SMOC1: variants seen among roughly 807,000 people sequenced by gnomAD.
SMOC1 encodes SPARC related modular calcium binding 1.
SMOC1 carries 22 observed loss-of-function variants against 56.3 expected under a neutral mutation model. The observed-to-expected ratio is 0.39, with a 90% CI of 0.28 to 0.56. The LOEUF (loss-of-function observed/expected upper bound fraction) is 0.56, where lower values mean the gene tolerates loss of function less well. Among genes scored for constraint, SMOC1 ranks in the 20% least tolerant of loss-of-function variants. The probability of loss-of-function intolerance (pLI) is 0.61; values close to 1 mark genes in which losing one functional copy is unlikely to be tolerated. For missense variants in SMOC1, 509 were observed against 565.4 expected, an observed-to-expected ratio of 0.90 and a Z score of 1.01; for synonymous variants, 193 against 215.0, an observed-to-expected ratio of 0.90 and a Z score of 0.89.
At chr14:69,990,355 A>G (rs1316535116) in intron 5 of SMOC1, among the ~76,000 whole-genome samples, 1 of 152,226 alleles carries the variant, frequency 6.6e-6, no homozygotes, top group Non-Finnish European at 1.5e-5. Flanking sequence ...TTGAATATTA[A>G]AATATTACAT....
chr14:69,953,577 C>A, intron 3 of SMOC1, 45 bp downstream of exon 3: 1 of 1,544,314 alleles, frequency 6.5e-7, no homozygotes, highest in South Asian at 1.1e-5. Flanking sequence ...TGGACCGAGG[C>A]AGAGGGGAGG....
intron 1 of SMOC1, among the ~76,000 whole-genome samples, chr14:69,950,086 G>T (rs961005212): frequency 3.3e-5 from 5 of 152,134 alleles, no homozygotes; most frequent in African/African-American, 1.2e-4. Context: ...TTTCCCTTTG[G>T]GCCCTGGGCA....
chr14:70,002,538 A>C (rs7151788), intron 7 of SMOC1, among the ~76,000 whole-genome samples: 81,691 of 151,974 alleles, frequency 0.54, 22,474 homozygotes, highest in African/African-American at 0.62. Context: ...TCTCCCCCTC[A>C]TCAGGGGCTC....
intron 1 of SMOC1, among the ~76,000 whole-genome samples, chr14:69,930,940 C>T (rs1028690451): frequency 3.9e-5 from 6 of 152,328 alleles, no homozygotes; most frequent in South Asian, 4.1e-4. Flanking sequence ...CAGTGTAGCC[C>T]GGGCTGCTGT....
intron 1 of SMOC1, among the ~76,000 whole-genome samples, chr14:69,897,236 A>G (rs1376407309): frequency 6.6e-6 from 1 of 152,190 alleles, no homozygotes; most frequent in African/African-American, 2.4e-5. Flanking sequence ...CCATCCCGCC[A>G]GGTCTCTTTC....
In SMOC1 at chr14:69,991,263, C is replaced by G. The variant is rs768488077; in HGVS notation, c.527-1154C>G. Among the ~76,000 whole-genome samples the G allele has an allele frequency of 7.2e-5, 11 of 152,260 alleles. No individual in the cohort carries two copies. The East Asian group carries it at 1.2e-3, about 16-fold the overall frequency. ...GACAACAGTGCTCTCCTTCCCTCCC[C>G]CCGTGGAGAGAAATCTCTTAAACTA... On this transcript the variant is annotated intron_variant, in intron 5 of 11. Coordinates refer to ENST00000361956, the MANE Select transcript of SMOC1 (RefSeq NM_001034852.3).
intron 7 of SMOC1, among the ~76,000 whole-genome samples, chr14:70,001,733 C>T (rs559711693): frequency 9.9e-5 from 15 of 152,276 alleles, no homozygotes; most frequent in African/African-American, 3.4e-4. Context: ...TACTGTGCCA[C>T]CAGGTTTAAT....
At chr14:69,944,163 G>C (rs1882690743) in intron 1 of SMOC1, among the ~76,000 whole-genome samples, 1 of 152,226 alleles carries the variant, frequency 6.6e-6, no homozygotes, top group South Asian at 2.1e-4. Context: ...GTCCGGTGGA[G>C]GGGCATGGAC....
intron 1 of SMOC1, among the ~76,000 whole-genome samples, chr14:69,899,756 C>A (rs1390539834): frequency 2.6e-5 from 4 of 152,106 alleles, no homozygotes; most frequent in African/African-American, 9.7e-5. Context: ...CAGTTTTTGA[C>A]CCTCAGACTT....
At chr14:69,964,065 T>G (rs1367406481) in intron 3 of SMOC1, among the ~76,000 whole-genome samples, 1 of 152,206 alleles carries the variant, frequency 6.6e-6, no homozygotes, top group Non-Finnish European at 1.5e-5. Flanking sequence ...ATGGCTGTTT[T>G]CTAGCTGAAT....
intron 1 of SMOC1, among the ~76,000 whole-genome samples, chr14:69,883,139 G>T (rs1458102515): frequency 6.6e-6 from 1 of 152,198 alleles, no homozygotes; most frequent in Non-Finnish European, 1.5e-5. Context: ...TTTTTGTGGT[G>T]AGAGCACTTA....
chr14:69,925,946 C>T (rs1345167646), intron 1 of SMOC1, among the ~76,000 whole-genome samples: 3 of 152,180 alleles, frequency 2.0e-5, no homozygotes, highest in Non-Finnish European at 2.9e-5. Context: ...GGAGAGGAGT[C>T]TTAGCTCTTC....
chr14:69,895,090 G>T (rs922223133), intron 1 of SMOC1, among the ~76,000 whole-genome samples: 3 of 152,214 alleles, frequency 2.0e-5, no homozygotes, highest in East Asian at 3.8e-4. Context: ...CCAGCTATGG[G>T]GAGGAAATAG....
At chr14:70,014,063 G>A (rs879750291) in intron 10 of SMOC1, among the ~76,000 whole-genome samples, 14 of 152,196 alleles carry the variant, frequency 9.2e-5, no homozygotes, top group Admixed American at 9.2e-4. Flanking sequence ...AGCATTGCTG[G>A]CACTCATGAG....
intron 9 of SMOC1, among the ~76,000 whole-genome samples, chr14:70,012,064 T>G (rs1425825878): frequency 6.6e-6 from 1 of 152,206 alleles, no homozygotes; most frequent in African/African-American, 2.4e-5. Context: ...TTCCCCTTAT[T>G]TATAGCAATC....
chr14:69,988,215 G>A (rs1468688898), intron 5 of SMOC1, among the ~76,000 whole-genome samples: 4 of 150,508 alleles, frequency 2.7e-5, no homozygotes, highest in African/African-American at 9.8e-5. Flanking sequence ...TGCCTTATTT[G>A]TTGTTTGTTT....
At chr14:69,924,621 G>T (rs1884940706) in intron 1 of SMOC1, among the ~76,000 whole-genome samples, 1 of 151,166 alleles carries the variant, frequency 6.6e-6, no homozygotes, top group Non-Finnish European at 1.5e-5. Flanking sequence ...TGCCTGTCTT[G>T]TACAGGGGAG....
intron 1 of SMOC1, among the ~76,000 whole-genome samples, chr14:69,924,597 C>T (rs1275852288): frequency 6.6e-6 from 1 of 151,408 alleles, no homozygotes. Context: ...TCTCTCCCCT[C>T]CCCCACATTC....
At position 70,032,018 on chromosome 14, in the gene SMOC1, T is replaced by A. The variant is rs1886170027; in HGVS notation, c.*1760T>A. Reference sequence around the variant, plus strand: ...GTCTTGGGCTAAAGGAGGTCCCTGCTGTCCTGGAGAAAGTCCTAGAGGTTA... The same window carrying A: ...GTCTTGGGCTAAAGGAGGTCCCTGCAGTCCTGGAGAAAGTCCTAGAGGTTA... On this transcript the variant is annotated 3_prime_UTR_variant, in exon 12 of 12. Coordinates refer to ENST00000361956, the MANE Select transcript of SMOC1 (RefSeq NM_001034852.3). 1 of 152,360 alleles carries A rather than the reference T, an allele frequency of 6.6e-6. No individual in the cohort carries two copies. The allele number at this position is 152,360 out of a possible 1,614,324, so 9.4% of individuals were successfully genotyped here.
Sources: gnomAD v4.1 joint callset for allele counts (sites outside exome capture counted in the v4.1 genomes callset) on GRCh38, gnomAD v4.1.1 for gene constraint, MANE v1.5 for transcripts, NCBI Gene and HGNC (gene_info 2026-07-23, HGNC 2026-07-21) for gene names.